The following ATRNL1 variants were observed in gnomAD, a reference collection of about 807,000 sequenced individuals.
The protein encoded by ATRNL1 is attractin-like protein 1.
ATRNL1 carries 95 observed loss-of-function variants against 182.7 expected under a neutral mutation model. The ratio of observed to expected loss-of-function variants is 0.52; its 90% CI spans 0.44 to 0.62. The LOEUF (loss-of-function observed/expected upper bound fraction) is 0.62, where lower values mean the gene tolerates loss of function less well. Ranked by LOEUF, ATRNL1 falls within the 20% of genes least tolerant of loss-of-function variation. ATRNL1 has a pLI of 0.00. For missense variants in ATRNL1, 1,471 were observed against 1,679.5 expected (o/e 0.88, Z 2.17); for synonymous variants, 576 against 568.3 (o/e 1.01, Z -0.19).
chr10:115,340,063 A>G (rs1409425121), intron 19 of ATRNL1, among the ~76,000 whole-genome samples: 13 of 152,140 alleles, frequency 8.5e-5, no homozygotes, highest in Admixed American at 7.9e-4. Context: ...CCACTTGGTT[A>G]TGAATGATCT....
intron 28 of ATRNL1, among the ~76,000 whole-genome samples, chr10:115,940,992 A>G (rs529659003): frequency 6.6e-6 from 1 of 152,342 alleles, no homozygotes; most frequent in Admixed American, 6.5e-5. Context: ...ATGGGCCACA[A>G]GCCGTGGGGT....
intron 26 of ATRNL1, among the ~76,000 whole-genome samples, chr10:115,613,828 A>T (rs1857289044): frequency 6.6e-6 from 1 of 151,492 alleles, no homozygotes; most frequent in African/African-American, 2.4e-5. Flanking sequence ...TTTTTTTCTA[A>T]ATGGTCTTTT....
chr10:115,462,420 T>A (rs1227487592), intron 22 of ATRNL1, among the ~76,000 whole-genome samples: 2 of 152,056 alleles, frequency 1.3e-5, no homozygotes, highest in Admixed American at 6.6e-5. Flanking sequence ...GAGACCATCC[T>A]GGCCAATGTG....
chr10:115,477,359 C>T (rs1554973368), intron 24 of ATRNL1, among the ~76,000 whole-genome samples: 1 of 151,576 alleles, frequency 6.6e-6, no homozygotes, highest in Admixed American at 6.6e-5. Flanking sequence ...AGAAAGCTTT[C>T]ATTCCAACAG....
intron 26 of ATRNL1, among the ~76,000 whole-genome samples, chr10:115,639,872 A>G (rs1037206461): frequency 6.6e-6 from 1 of 151,980 alleles, no homozygotes; most frequent in Non-Finnish European, 1.5e-5. Context: ...TTACATAGGT[A>G]TATACATGTG....
intron 27 of ATRNL1, among the ~76,000 whole-genome samples, chr10:115,736,966 G>A (rs1302323232): frequency 6.6e-6 from 1 of 151,774 alleles, no homozygotes; most frequent in Non-Finnish European, 1.5e-5. Context: ...TTTTCTTACC[G>A]TGTGAGTTGC....
At chr10:115,694,236 C>A (rs561610228) in intron 26 of ATRNL1, among the ~76,000 whole-genome samples, 92 of 151,068 alleles carry the variant, frequency 6.1e-4, no homozygotes, top group African/African-American at 2.2e-3. Context: ...AAAAACTAGA[C>A]CTGTCTCATG....
At chr10:115,207,987 G>T (rs1253044602) in intron 8 of ATRNL1, among the ~76,000 whole-genome samples, 1 of 151,928 alleles carries the variant, frequency 6.6e-6, no homozygotes, top group Non-Finnish European at 1.5e-5. Context: ...CTCTGGATTA[G>T]GCTGCTTGAT....
chr10:115,663,849 C>G (rs1378241736), intron 26 of ATRNL1, among the ~76,000 whole-genome samples: 2 of 151,742 alleles, frequency 1.3e-5, no homozygotes, highest in Non-Finnish European at 2.9e-5. Context: ...TCTGAAAATA[C>G]TTTTAGCACA....
intron 27 of ATRNL1, among the ~76,000 whole-genome samples, chr10:115,757,828 GTCC>G (rs1948630576): frequency 6.6e-6 from 1 of 151,808 alleles, no homozygotes; most frequent in African/African-American, 2.4e-5. Context: ...TTTTCACATA[GTCC>G]CATATTTCTT....
intron 19 of ATRNL1, among the ~76,000 whole-genome samples, chr10:115,340,278 G>A (rs1262093421): frequency 1.3e-5 from 2 of 151,992 alleles, no homozygotes; most frequent in Non-Finnish European, 2.9e-5. Flanking sequence ...AAGTAGCTGG[G>A]ACTGCAGGTA....
At chr10:115,589,223 T>G (rs181308074) in intron 26 of ATRNL1, among the ~76,000 whole-genome samples, 5 of 152,326 alleles carry the variant, frequency 3.3e-5, no homozygotes, top group Admixed American at 3.3e-4. Flanking sequence ...CTGTAAAACA[T>G]TAACTTCTGC....
intron 27 of ATRNL1, among the ~76,000 whole-genome samples, chr10:115,831,275 C>G (rs1198065728): frequency 1.3e-5 from 2 of 152,138 alleles, no homozygotes; most frequent in Admixed American, 1.3e-4. Context: ...CTCCTAGCAC[C>G]TCCCGGCCTC....
At chr10:115,288,634 G>A (rs373766095) in intron 15 of ATRNL1, among the ~76,000 whole-genome samples, 17 of 151,674 alleles carry the variant, frequency 1.1e-4, no homozygotes, top group South Asian at 2.1e-4. Flanking sequence ...CAATTCTTCC[G>A]CCTCAGCCTC....
At chr10:115,347,570 C>T (rs1036231284) in intron 19 of ATRNL1, among the ~76,000 whole-genome samples, 3 of 151,474 alleles carry the variant, frequency 2.0e-5, no homozygotes, top group South Asian at 2.1e-4. Flanking sequence ...AAGTGCATGC[C>T]GATATTAAGG....
intron 26 of ATRNL1, among the ~76,000 whole-genome samples, chr10:115,672,859 A>G (rs1015286540): frequency 2.6e-5 from 4 of 152,112 alleles, no homozygotes; most frequent in African/African-American, 7.2e-5. Flanking sequence ...TTGAAGTTTT[A>G]TGTTCATAGT....
At chr10:115,940,672 ACT>A (rs144547639) in intron 28 of ATRNL1, among the ~76,000 whole-genome samples, 1,410 of 128,850 alleles carry the variant, frequency 0.011, 12 homozygotes, top group Middle Eastern at 0.028. Flanking sequence ...GACAGAGATT[ACT>A]CTCTCTCTCT....
chr10:115,499,779 T>C lies in ATRNL1; in HGVS notation c.3655-19484T>C, dbSNP rs552653128. Among the ~76,000 whole-genome samples the C allele has an allele frequency of 2.6e-4, 39 of 152,310 alleles. 1 individual carries two copies. In the South Asian group the frequency reaches 7.9e-3, roughly 31 times the overall value. ...TATCTTAGTGAGCCGAGGGATGACG[T>C]TGAATGAACTGGGAGGCTGGTTGGC... is the stretch of plus-strand genomic sequence containing the variant. On this transcript the variant is annotated intron_variant, in intron 24 of 28. Coordinates refer to ENST00000355044, the MANE Select transcript of ATRNL1 (RefSeq NM_207303.4).
intron 21 of ATRNL1, among the ~76,000 whole-genome samples, chr10:115,438,951 A>G (rs1018897227): frequency 1.1e-4 from 16 of 151,940 alleles, no homozygotes; most frequent in African/African-American, 3.6e-4. Flanking sequence ...CTCTCCCTGA[A>G]CTTAACTACT....
Sources: allele counts gnomAD v4.1 joint callset (sites outside exome capture counted in the v4.1 genomes callset), GRCh38; gene constraint gnomAD v4.1.1; transcripts MANE v1.5; gene names NCBI Gene and HGNC (gene_info 2026-07-23, HGNC 2026-07-21).